Variants in GBE1 observed in about 807,000 individuals in gnomAD.
The protein encoded by GBE1 is 1,4-alpha-glucan-branching enzyme.
GBE1 carries 70 observed loss-of-function variants against 88.8 expected under a neutral mutation model. That is an observed-to-expected ratio of 0.79 (90% CI 0.65 to 0.96). GBE1 has a LOEUF of 0.96. Ranked by LOEUF, GBE1 falls within the 40% of genes least tolerant of loss-of-function variation. The probability of loss-of-function intolerance (pLI) is 0.00; values close to 1 mark genes in which losing one functional copy is unlikely to be tolerated. For missense variants in GBE1, 872 were observed against 871.0 expected (o/e 1.00, Z -0.01); for synonymous variants, 284 against 300.1 (o/e 0.95, Z 0.56).
At chr3:81,551,378 TA>T (rs1342872754) in intron 12 of GBE1, among the ~76,000 whole-genome samples, 1 of 152,008 alleles carries the variant, frequency 6.6e-6, no homozygotes, top group Non-Finnish European at 1.5e-5. Context: ...CTGTAAAAGT[TA>T]AAGAAAGTAG....
chr3:81,615,719 A>G (rs1704240701), intron 7 of GBE1, among the ~76,000 whole-genome samples: 1 of 152,238 alleles, frequency 6.6e-6, no homozygotes, highest in Admixed American at 6.5e-5. Context: ...GCTATGATGA[A>G]TAAAGTTACA....
intron 14 of GBE1, among the ~76,000 whole-genome samples, chr3:81,500,004 G>A (rs1030316752): frequency 6.6e-6 from 1 of 152,110 alleles, no homozygotes; most frequent in Middle Eastern, 3.4e-3. Flanking sequence ...TGATTTCCTG[G>A]AAAATATATC....
rs1702421263 is a variant in GBE1 at position 81,490,410 on chromosome 3, A to G, written c.2106T>C (p.Asn702=). ...ALILQNVDLP[N] ...GTGGAGCTGAAATCAGGCCTCTTCA[A>G]TTCGGCAGATCCACATTCTGAAGGA... Residue 702 remains asparagine (N), a synonymous_variant, in exon 16 of 16, where the codon AAT becomes AAC. Coordinates refer to ENST00000429644, the MANE Select transcript of GBE1 (RefSeq NM_000158.4). 6.2e-7 allele frequency: 1 copy of G among 1,612,886 alleles called. No homozygotes were observed. Among genetic ancestry groups the G allele is most frequent in the Non-Finnish European group, 8.5e-7 (1 of 1,179,078 alleles).
chr3:81,715,065 T>C (rs1243166672), intron 1 of GBE1, among the ~76,000 whole-genome samples: 1 of 152,012 alleles, frequency 6.6e-6, no homozygotes, highest in African/African-American at 2.4e-5. Context: ...CATAGCAAAA[T>C]AAAATGAATG....
At chr3:81,499,471 G>A (rs1373644715) in intron 14 of GBE1, among the ~76,000 whole-genome samples, 1 of 152,112 alleles carries the variant, frequency 6.6e-6, no homozygotes, top group Non-Finnish European at 1.5e-5. Flanking sequence ...AGCCTGGGAC[G>A]AAACATACCT....
At chr3:81,520,123 T>G (rs1489542530) in intron 14 of GBE1, among the ~76,000 whole-genome samples, 1 of 151,550 alleles carries the variant, frequency 6.6e-6, no homozygotes, top group South Asian at 2.1e-4. Flanking sequence ...CCTCAGTCTC[T>G]ACAACGTGCC....
At chr3:81,522,223 T>C (rs954742185) in intron 14 of GBE1, among the ~76,000 whole-genome samples, 1 of 151,562 alleles carries the variant, frequency 6.6e-6, no homozygotes, top group Non-Finnish European at 1.5e-5. Flanking sequence ...AGCTGGCACA[T>C]AGAACAGGTG....
At chr3:81,499,342 G>A in intron 14 of GBE1, 115 bp from the exon 15 acceptor site, 1 of 711,636 alleles carries the variant, frequency 1.4e-6, no homozygotes, top group Non-Finnish European at 2.6e-6. Flanking sequence ...CATAATTTGT[G>A]CTAAGAACTC....
chr3:81,513,346 G>A (rs771104131), intron 14 of GBE1, among the ~76,000 whole-genome samples: 5 of 151,660 alleles, frequency 3.3e-5, no homozygotes, highest in Non-Finnish European at 7.4e-5. Flanking sequence ...GGGAACAGAA[G>A]AGTTTCAATT....
chr3:81,631,533 G>A lies in GBE1; in HGVS notation c.992+11248C>T, dbSNP rs540909758. On this transcript the variant is annotated intron_variant, in intron 7 of 15. Transcript: ENST00000429644. ...GGGCAGATCACAAGGTCAGGAGATC[G>A]AAAACATCCTGGCCAACATGGTGAA... Among the ~76,000 whole-genome samples, 8 of 150,892 alleles carry A rather than the reference G, an allele frequency of 5.3e-5. No homozygotes were observed. The South Asian group carries it at 1.3e-3, about 24-fold the overall frequency.
chr3:81,690,807 ATTG>A (rs1258338698), intron 2 of GBE1, among the ~76,000 whole-genome samples: 1 of 151,658 alleles, frequency 6.6e-6, no homozygotes, highest in Non-Finnish European at 1.5e-5. Context: ...TGTTTTCCTC[ATTG>A]TTGTCTCATT....
chr3:81,595,311 T>C (rs1207647905), intron 7 of GBE1, among the ~76,000 whole-genome samples: 1 of 151,836 alleles, frequency 6.6e-6, no homozygotes, highest in Admixed American at 6.6e-5. Flanking sequence ...AACAAGGAGA[T>C]ATAATAGAAC....
At chr3:81,615,022 C>G (rs1463846643) in intron 7 of GBE1, among the ~76,000 whole-genome samples, 1 of 115,102 alleles carries the variant, frequency 8.7e-6, no homozygotes, top group African/African-American at 3.2e-5. Flanking sequence ...ACTTTTTTCT[C>G]AAAAAAAAAA....
rs189324856 is a variant in GBE1, at chr3:81,644,632, G to A, written c.783-1642C>T. ...GGATTCATTACGGTTCTGGGCAAAA[G>A]AGCGACATGATCTGACTTTAATTTT... On this transcript the variant is annotated intron_variant, in intron 6 of 15. Transcript: ENST00000429644. Among the ~76,000 whole-genome samples, 535 of 152,268 alleles carry A rather than the reference G, an allele frequency of 3.5e-3. 3 individuals are homozygous for A. Among genetic ancestry groups the A allele is most frequent in the Non-Finnish European group, 4.6e-3 (310 of 68,022 alleles).
intron 7 of GBE1, among the ~76,000 whole-genome samples, chr3:81,596,080 A>G (rs750336692): frequency 1.3e-5 from 2 of 151,994 alleles, no homozygotes; most frequent in Non-Finnish European, 2.9e-5. Context: ...TTTATATTTT[A>G]TGAATCATTA....
chr3:81,618,700 C>T (rs1166564727), intron 7 of GBE1, among the ~76,000 whole-genome samples: 1 of 152,134 alleles, frequency 6.6e-6, no homozygotes, highest in Non-Finnish European at 1.5e-5. Flanking sequence ...TATCCTGAAT[C>T]TCCCTTTGTA....
chr3:81,711,545 C>T (rs1705865536), intron 1 of GBE1, among the ~76,000 whole-genome samples: 1 of 152,078 alleles, frequency 6.6e-6, no homozygotes, highest in African/African-American at 2.4e-5. Flanking sequence ...CTGTTCTGTT[C>T]CATTGGTCTA....
intron 7 of GBE1, among the ~76,000 whole-genome samples, chr3:81,641,941 C>T (rs1180685777): frequency 6.7e-6 from 1 of 148,824 alleles, no homozygotes; most frequent in East Asian, 1.9e-4. Flanking sequence ...AATACATATA[C>T]ATATTTCAAA....
At chr3:81,498,994 C>T (rs1028059609) in intron 15 of GBE1, 116 bp downstream of exon 15, 8 of 678,220 alleles carry the variant, frequency 1.2e-5, no homozygotes, top group African/African-American at 9.1e-5. Context: ...TAACCCCTTT[C>T]CTTCATGCTT....
Sources: allele counts gnomAD v4.1 joint callset (sites outside exome capture counted in the v4.1 genomes callset), GRCh38; gene constraint gnomAD v4.1.1; transcripts MANE v1.5; gene names NCBI Gene and HGNC (gene_info 2026-07-23, HGNC 2026-07-21).